The following HPCAL4 variants were observed in gnomAD, a reference collection of about 807,000 sequenced individuals.
HPCAL4 encodes hippocalcin-like protein 4.
A neutral mutation model predicts 18.2 loss-of-function variants in HPCAL4; 16 were observed. The observed-to-expected ratio is 0.88, with a 90% CI of 0.59 to 1.33. The LOEUF (loss-of-function observed/expected upper bound fraction) is 1.33, where lower values mean the gene tolerates loss of function less well. HPCAL4 is among the 40% of genes most tolerant of loss of function. HPCAL4 has a pLI of 0.00. For synonymous variants in HPCAL4, 80 were observed against 97.5 expected, an observed-to-expected ratio of 0.82 and a Z score of 1.06; for missense variants, 214 against 256.6, an observed-to-expected ratio of 0.83 and a Z score of 1.14.
At chr1:39,689,247 T>G (rs1054724055) in intron 1 of HPCAL4, among the ~76,000 whole-genome samples, 183 of 152,092 alleles carry the variant, frequency 1.2e-3, no homozygotes, top group African/African-American at 4.3e-3. Flanking sequence ...AGCAGGGGTT[T>G]TTTCTCTCTT....
intron 1 of HPCAL4, among the ~76,000 whole-genome samples, chr1:39,686,586 C>G (rs1646677384): frequency 6.6e-6 from 1 of 152,148 alleles, no homozygotes; most frequent in Non-Finnish European, 1.5e-5. Context: ...GGCAGAGGCT[C>G]AGATTTGAGC....
chr1:39,684,098 C>A lies in HPCAL4; in HGVS notation c.217G>T (p.Asp73Tyr), dbSNP rs1646651377. The A allele has an allele frequency of 1.2e-6, 2 of 1,613,788 alleles. No homozygotes were observed. ...TCGATGGTGCCGTCGCCGTTCTTGT[C>A]GAAGGTGCGGAAAGCGTGCTGCGCG... ...KFAQHAFRTF[D>Y]KNGDGTIDFR... The change falls in exon 3 of 4, where the codon GAC (aspartate) becomes TAC (tyrosine). Residue 73 changes from aspartate to tyrosine, a missense_variant. Transcript: ENST00000372844.
At chr1:39,686,870 G>A (rs1191074486) in intron 1 of HPCAL4, among the ~76,000 whole-genome samples, 1 of 152,180 alleles carries the variant, frequency 6.6e-6, no homozygotes, top group East Asian at 1.9e-4. Flanking sequence ...AAGAGGGTCA[G>A]GCTCCCACCC....
In HPCAL4 at chr1:39,684,569, A is replaced by G. The variant is rs1313793693; in HGVS notation, c.35T>C (p.Val12Ala). 1.2e-6 allele frequency: 2 copies of G among 1,610,074 alleles called. No homozygotes were observed. Among genetic ancestry groups the G allele is most frequent in the African/African-American group, 2.7e-5 (2 of 74,774 alleles). ...GKTNSKLAPE[V>A]LEDLVQNTEF... ...AGTGTTCTGAACAAGGTCCTCCAGC[A>G]CCTCGGGGGCCAGCTTGCTGTTGGT... The change falls in exon 2 of 4, where the codon GTG (valine) becomes GCG (alanine). Residue 12 changes from valine (V) to alanine (A), a missense_variant. By Grantham distance (64) the Val-to-Ala change is moderately conservative. Transcript: ENST00000372844.
In HPCAL4 at chr1:39,682,131, C is replaced by T. The variant is rs1233225840; in HGVS notation, c.*405G>A. 9.5e-6 allele frequency: 2 copies of T among 210,704 alleles called. No homozygotes were observed. Among genetic ancestry groups the T allele is most frequent in the African/African-American group, 4.6e-5 (2 of 43,176 alleles). 13.1% of individuals were successfully genotyped at this position (210,704 alleles called of 1,614,324 possible). A position where few individuals can be genotyped will look rare whatever the true frequency, so the allele number is the denominator to read the frequency against. On this transcript the variant is annotated 3_prime_UTR_variant, in exon 4 of 4. Transcript: ENST00000372844. Reference sequence around the variant, plus strand: ...ACCCCCTTTATGGGATCTGGAGCCTCAGGAATGGACAGACCCAATTTGGCC... The same window carrying T: ...ACCCCCTTTATGGGATCTGGAGCCTTAGGAATGGACAGACCCAATTTGGCC...
chr1:39,687,932 G>C (rs1462004025), intron 1 of HPCAL4, among the ~76,000 whole-genome samples: 8 of 151,712 alleles, frequency 5.3e-5, no homozygotes, highest in Admixed American at 4.6e-4. Context: ...AAAAAATTAA[G>C]AAAAGAAGGT....
In HPCAL4 at chr1:39,682,177, C is replaced by T. The variant is rs1646631868; in HGVS notation, c.*359G>A. 2 of 261,666 alleles carry T rather than the reference C, an allele frequency of 7.6e-6. No homozygotes were observed. The highest frequency in any genetic ancestry group is 1.5e-5 in the Non-Finnish European group (2 of 133,666). 16.2% of individuals were successfully genotyped at this position (261,666 alleles called of 1,614,324 possible). On this transcript the variant is annotated 3_prime_UTR_variant, in exon 4 of 4. Transcript: ENST00000372844. ...TGGCCCTGTGACAGGCCTGTGGGAC[C>T]ACATCCTATAAAGCATAATCCCAGG...
chr1:39,685,596 G>A (rs376931295), intron 1 of HPCAL4, among the ~76,000 whole-genome samples: 24 of 152,256 alleles, frequency 1.6e-4, no homozygotes, highest in Middle Eastern at 3.4e-3. Flanking sequence ...TTGGCTGGGC[G>A]CGGCCGGGCA....
At chr1:39,682,889 CT>C (rs910829720) in intron 3 of HPCAL4, among the ~76,000 whole-genome samples, 156 bp from the exon 4 acceptor site, 51 of 147,120 alleles carry the variant, frequency 3.5e-4, no homozygotes, top group Admixed American at 8.8e-4. Context: ...ATGAGCAACT[CT>C]TTTTTTTTTT....
At chr1:39,687,258 G>A (rs991120262) in intron 1 of HPCAL4, among the ~76,000 whole-genome samples, 2 of 152,202 alleles carry the variant, frequency 1.3e-5, no homozygotes, top group Non-Finnish European at 2.9e-5. Flanking sequence ...TGAGGCCAGA[G>A]CAAGGATGCC....
chr1:39,687,039 C>T (rs2124196303), intron 1 of HPCAL4, among the ~76,000 whole-genome samples: 1 of 152,324 alleles, frequency 6.6e-6, no homozygotes, highest in East Asian at 1.9e-4. Context: ...CTTCCCACTC[C>T]CCTTTGCTGG....
Position 39,690,629 on chromosome 1 carries a change from C to T in HPCAL4, c.-9+677G>A, listed in dbSNP as rs1011995800. 5.3e-5 allele frequency among the ~76,000 whole-genome samples: 8 copies of T among 151,982 alleles called. No homozygotes were observed. In the South Asian group the frequency reaches 8.3e-4, roughly 16 times the overall value. ...GGGTGGTGTCTTTGGTTCATCCTCC[C>T]GCCAGGATGAGAGATGCCAAATATG... is the stretch of plus-strand genomic sequence containing the variant. On this transcript the variant is annotated intron_variant, in intron 1 of 3. Transcript: ENST00000372844.
intron 1 of HPCAL4, among the ~76,000 whole-genome samples, chr1:39,689,329 C>A (rs1646700907): frequency 6.6e-6 from 1 of 152,074 alleles, no homozygotes; most frequent in Admixed American, 6.5e-5. Context: ...GACGCAGTGG[C>A]AATGCCTAGG....
At chr1:39,683,051 T>C (rs1646640972) in intron 3 of HPCAL4, among the ~76,000 whole-genome samples, 1 of 152,076 alleles carries the variant, frequency 6.6e-6, no homozygotes, top group Non-Finnish European at 1.5e-5. Context: ...GTCCCGCTAA[T>C]TTTTGTATTT....
intron 1 of HPCAL4, among the ~76,000 whole-genome samples, chr1:39,687,768 G>T (rs576124460): frequency 6.6e-6 from 1 of 152,186 alleles, no homozygotes; most frequent in South Asian, 2.1e-4. Flanking sequence ...GCCAGACATG[G>T]TAGCATGTGC....
At chr1:39,685,126 C>T (rs931309367) in intron 1 of HPCAL4, among the ~76,000 whole-genome samples, 2 of 152,258 alleles carry the variant, frequency 1.3e-5, no homozygotes, top group Admixed American at 6.5e-5. Flanking sequence ...CCTCTACTGA[C>T]ATTTGGCTTT....
intron 1 of HPCAL4, among the ~76,000 whole-genome samples, chr1:39,690,534 G>T (rs946677183): frequency 2.0e-5 from 3 of 152,130 alleles, no homozygotes; most frequent in African/African-American, 4.8e-5. Context: ...TGGCTGTGAG[G>T]GGGGAGGGAG....
At chr1:39,687,287 A>C (rs1377985292) in intron 1 of HPCAL4, among the ~76,000 whole-genome samples, 1 of 152,256 alleles carries the variant, frequency 6.6e-6, no homozygotes, top group Non-Finnish European at 1.5e-5. Context: ...ACCCATAGGC[A>C]AAAGGAGGCA....
At chr1:39,688,451 T>C (rs1646694032) in intron 1 of HPCAL4, among the ~76,000 whole-genome samples, 1 of 152,240 alleles carries the variant, frequency 6.6e-6, no homozygotes, top group Admixed American at 6.5e-5. Context: ...TTTGAAATGC[T>C]CTTGGTACCT....
Sources: allele counts gnomAD v4.1 joint callset (sites outside exome capture counted in the v4.1 genomes callset), GRCh38; gene constraint gnomAD v4.1.1; transcripts MANE v1.5; gene names NCBI Gene and HGNC (gene_info 2026-07-23, HGNC 2026-07-21).